The following ASPRV1 variants were observed in gnomAD, a reference collection of about 807,000 sequenced individuals.
ASPRV1 encodes the protein aspartic peptidase retroviral like 1.
A neutral mutation model predicts 11.0 loss-of-function variants in ASPRV1; 7 were observed. That is an observed-to-expected ratio of 0.64 (90% CI 0.36 to 1.20). ASPRV1 has a LOEUF of 1.20. Among genes scored for constraint, ASPRV1 ranks in the 50% most tolerant of loss-of-function variants. The pLI, the probability that ASPRV1 is intolerant of heterozygous loss-of-function variation, is 0.02. For missense variants in ASPRV1, 299 were observed against 320.0 expected (o/e 0.93, Z 0.50); for synonymous variants, 136 against 138.4 (o/e 0.98, Z 0.12).
chr2:69,944,578 A>G, the ASPRV1 span, among the ~76,000 whole-genome samples: 26,638 of 152,122 alleles, frequency 0.18, 2,732 homozygotes, highest in East Asian at 0.35. Context: ...TGAGCCCCAC[A>G]CTCCCTTGCC....
chr2:70,039,197 G>GT, the ASPRV1 span, among the ~76,000 whole-genome samples: 1 of 152,046 alleles, frequency 6.6e-6, no homozygotes, highest in Non-Finnish European at 1.5e-5. Flanking sequence ...TAGAATTCAA[G>GT]TTGCTTACTT....
chr2:69,992,210 G>A, the ASPRV1 span, among the ~76,000 whole-genome samples: 1 of 152,182 alleles, frequency 6.6e-6, no homozygotes, highest in Non-Finnish European at 1.5e-5. Context: ...AAACAAAATG[G>A]GAATTGTGCA....
chr2:70,073,873 C>G, the ASPRV1 span, among the ~76,000 whole-genome samples: 1 of 151,986 alleles, frequency 6.6e-6, no homozygotes, highest in Non-Finnish European at 1.5e-5. Flanking sequence ...GTGACTCACA[C>G]CTGTAATCCC....
At chr2:70,038,576 C>A in the ASPRV1 span, among the ~76,000 whole-genome samples, 2 of 143,108 alleles carry the variant, frequency 1.4e-5, no homozygotes, top group South Asian at 4.5e-4. Flanking sequence ...CAGAACAAAA[C>A]CATGTCTCAA....
the ASPRV1 span, among the ~76,000 whole-genome samples, chr2:69,934,650 T>C: frequency 2.0e-5 from 3 of 152,244 alleles, no homozygotes; most frequent in African/African-American, 4.8e-5. Context: ...AACATGAATA[T>C]AGATTCTTGT....
the ASPRV1 span, among the ~76,000 whole-genome samples, chr2:69,948,093 A>AAAG: frequency 6.6e-6 from 1 of 151,860 alleles, no homozygotes; most frequent in Admixed American, 6.6e-5. Flanking sequence ...CAAAAAAAAA[A>AAAG]AAAAATTAGC....
the ASPRV1 span, among the ~76,000 whole-genome samples, chr2:69,947,824 G>A: frequency 6.6e-6 from 1 of 152,078 alleles, no homozygotes; most frequent in South Asian, 2.1e-4. Flanking sequence ...GGTGCCCCAG[G>A]GCTGGAAATA....
the ASPRV1 span, among the ~76,000 whole-genome samples, chr2:70,076,371 C>A: frequency 1.3e-5 from 2 of 152,172 alleles, no homozygotes; most frequent in South Asian, 4.1e-4. Flanking sequence ...TTTCTCTAAG[C>A]CTTTGTTTAT....
chr2:69,934,216 A>G, the ASPRV1 span, among the ~76,000 whole-genome samples: 2 of 152,180 alleles, frequency 1.3e-5, no homozygotes, highest in Non-Finnish European at 2.9e-5. Context: ...AATAATATAA[A>G]CAGTTAAGTG....
the ASPRV1 span, among the ~76,000 whole-genome samples, chr2:69,953,767 G>A: frequency 1.5e-3 from 226 of 152,014 alleles, 3 homozygotes; most frequent in Non-Finnish European, 1.4e-3. Flanking sequence ...AAGTGCAGTG[G>A]CACCATCTTG....
In ASPRV1 at chr2:69,960,613, G is replaced by A; in HGVS notation, c.*44C>T. On this transcript the variant is annotated 3_prime_UTR_variant, in exon 1 of 1. Coordinates refer to ENST00000320256, the MANE Select transcript of ASPRV1 (RefSeq NM_152792.4). ...ATATGCAACCCCCCCCACAGCGGTG[G>A]GTCTTCCCACCAATATTTAGGAGGT... 1.3e-6 allele frequency: 2 copies of A among 1,557,236 alleles called. No individual in the cohort carries two copies. The highest frequency in any genetic ancestry group is 4.5e-5 in the East Asian group (2 of 44,454).
chr2:70,044,075 T>C, the ASPRV1 span, among the ~76,000 whole-genome samples: 1 of 152,188 alleles, frequency 6.6e-6, no homozygotes, highest in African/African-American at 2.4e-5. Flanking sequence ...TTCTCCTCCC[T>C]ATCCCTTCCT....
At chr2:69,978,266 G>T in the ASPRV1 span, among the ~76,000 whole-genome samples, 2 of 152,156 alleles carry the variant, frequency 1.3e-5, no homozygotes, top group Admixed American at 6.5e-5. Flanking sequence ...ACCCCTCCAA[G>T]CCTCCAGGGG....
the ASPRV1 span, among the ~76,000 whole-genome samples, chr2:69,953,795 C>A: frequency 6.6e-6 from 1 of 152,164 alleles, no homozygotes; most frequent in Non-Finnish European, 1.5e-5. Flanking sequence ...GCAACCTCCA[C>A]CTCCCAGGTT....
the ASPRV1 span, among the ~76,000 whole-genome samples, chr2:70,018,762 C>T: frequency 6.6e-6 from 1 of 152,060 alleles, no homozygotes; most frequent in Non-Finnish European, 1.5e-5. Context: ...ACACCATATA[C>T]AAAAATCAAA....
chr2:69,964,053 C>CT (rs775007839), upstream of ASPRV1, among the ~76,000 whole-genome samples: 1 of 152,176 alleles, frequency 6.6e-6, no homozygotes, highest in African/African-American at 2.4e-5. Context: ...TAAATCAAGA[C>CT]TTTTTCCCCC....
At chr2:69,956,501 C>A (rs1677944837), downstream of ASPRV1, among the ~76,000 whole-genome samples, 1 of 112,346 alleles carries the variant, frequency 8.9e-6, no homozygotes, top group Admixed American at 8.8e-5. Flanking sequence ...AAGAAGAAAG[C>A]AGAGGAGGAG....
chr2:70,019,819 C>T, the ASPRV1 span, among the ~76,000 whole-genome samples: 2 of 152,056 alleles, frequency 1.3e-5, no homozygotes, highest in Admixed American at 1.3e-4. Flanking sequence ...ACAGGAGGAA[C>T]AAGTTCAAGA....
the ASPRV1 span, among the ~76,000 whole-genome samples, chr2:69,945,456 C>A: frequency 6.6e-6 from 1 of 152,236 alleles, no homozygotes; most frequent in Non-Finnish European, 1.5e-5. Flanking sequence ...CTGTTCCATG[C>A]AGAATTCTGG....
Sources: allele counts gnomAD v4.1 joint callset (sites outside exome capture counted in the v4.1 genomes callset), GRCh38; gene constraint gnomAD v4.1.1; transcripts MANE v1.5; gene names NCBI Gene and HGNC (gene_info 2026-07-23, HGNC 2026-07-21).